The following AURKAIP1 variants were observed in gnomAD, a reference collection of about 807,000 sequenced individuals.
The protein encoded by AURKAIP1 is small ribosomal subunit protein bS22, mitochondrial.
A neutral mutation model predicts 18.4 loss-of-function variants in AURKAIP1; 20 were observed. The observed-to-expected ratio is 1.09, with a 90% CI of 0.77 to 1.58. The LOEUF (loss-of-function observed/expected upper bound fraction) is 1.58. Ranked by LOEUF, AURKAIP1 falls within the 40% of genes most tolerant of loss-of-function variation. The pLI is 0.00. For missense variants in AURKAIP1, 319 were observed against 270.7 expected, an observed-to-expected ratio of 1.18 and a Z score of -1.25; for synonymous variants, 156 against 120.8, an observed-to-expected ratio of 1.29 and a Z score of -1.91.
In AURKAIP1 at chr1:1,375,136, AC is replaced by A. The variant is rs1291312258; in HGVS notation, c.-35+17del. ...CCCGGCGCCCTCAGGCCTCCCGCTG[AC>A]CCTTCCCAAGCCCGACCTCGACGCG... On this transcript the variant is annotated intron_variant, in intron 1 of 3. Coordinates refer to ENST00000338338, the MANE Select transcript of AURKAIP1 (RefSeq NM_017900.3). 4.8e-6 allele frequency: 1 copy of A among 210,452 alleles called. No homozygotes were observed. The highest frequency in any genetic ancestry group is 9.7e-6 in the Non-Finnish European group (1 of 103,402). The allele number at this position is 210,452 out of a possible 1,614,324, so 13.0% of individuals were successfully genotyped here.
Position 1,373,755 on chromosome 1 carries a change from T to C in AURKAIP1, c.*46A>G. 2 of 1,530,448 alleles carry C rather than the reference T, an allele frequency of 1.3e-6. No individual in the cohort carries two copies. The highest frequency in any genetic ancestry group is 1.8e-6 in the Non-Finnish European group (2 of 1,131,668). 94.8% of individuals were successfully genotyped at this position (1,530,448 alleles called of 1,614,324 possible). A position where few individuals can be genotyped will look rare whatever the true frequency, so the allele number is the denominator to read the frequency against. On this transcript the variant is annotated 3_prime_UTR_variant, in exon 4 of 4. Transcript: ENST00000338338. The stretch of plus-strand genomic sequence containing the variant: ...AAAGGCTGAGTCCTCTGAGAATTTA[T>C]TACTACGGATCACAGCAGCAACGGG...
intron 1 of AURKAIP1, 85 bp from the exon 2 acceptor site, chr1:1,374,875 G>A: frequency 2.2e-6 from 2 of 899,138 alleles, no homozygotes; most frequent in Non-Finnish European, 3.3e-6. Context: ...TGGTCCCGCC[G>A]CGACCCTCGC....
At chr1:1,374,625 C>A in intron 2 of AURKAIP1, 80 bp downstream of exon 2, 1 of 1,473,796 alleles carries the variant, frequency 6.8e-7, no homozygotes, top group Non-Finnish European at 9.3e-7. Flanking sequence ...TGGCCACCGG[C>A]CCTGCCCCAG....
chr1:1,374,607 T>A (rs1367446915), intron 2 of AURKAIP1, 98 bp downstream of exon 2: 5 of 1,370,334 alleles, frequency 3.6e-6, no homozygotes, highest in African/African-American at 2.9e-5. Flanking sequence ...GGGGAAAGAG[T>A]GTGTGTGTGG....
chr1:1,373,824 TG>T lies in AURKAIP1; in HGVS notation c.576del (p.Lys193ArgfsTer22), dbSNP rs759845750. ...LKEAPEGWQT[P>X]KIYLRGK Reference sequence around the variant, plus strand: ...ACTCATTTGCCCCGCAGGTAGATCTTGGGGGTCTGCCAGCCTTCGGGGGCTT... The same window carrying T: ...ACTCATTTGCCCCGCAGGTAGATCTTGGGGTCTGCCAGCCTTCGGGGGCTT... On this transcript the variant is annotated frameshift_variant, in exon 4 of 4. Coordinates refer to ENST00000338338, the MANE Select transcript of AURKAIP1 (RefSeq NM_017900.3). LOFTEE classifies it high-confidence loss of function. 1.3e-6 allele frequency: 2 copies of T among 1,595,926 alleles called. No individual in the cohort carries two copies. Among genetic ancestry groups the T allele is most frequent in the South Asian group, 1.1e-5 (1 of 91,024 alleles).
Position 1,374,162 on chromosome 1 carries a change from G to C in AURKAIP1, c.336C>G (p.Ala112=). The C allele has an allele frequency of 6.2e-7, 1 of 1,613,898 alleles. No homozygotes were observed. The highest frequency in any genetic ancestry group is 8.5e-7 in the Non-Finnish European group (1 of 1,180,030). The change falls in exon 3 of 4, where the codon GCC becomes GCG. Residue 112 remains alanine (A), a synonymous_variant. Coordinates refer to ENST00000338338, the MANE Select transcript of AURKAIP1 (RefSeq NM_017900.3). ...QCPPSQIGEG[A]EQGDEGVADA... ...CCGCGACGCCTTCATCCCCCTGCTC[G>C]GCCCCTTCCCCTATCTGGCTGGGCG...
chr1:1,374,799 C>A lies in AURKAIP1; in HGVS notation c.-34-9G>T. ...CACAGGTCCCAGGGGAGCTGGAACA[C>A]AAGTGCCCGTTCAGGTCAGGCGGCA... On this transcript the variant is annotated splice_polypyrimidine_tract_variant and intron_variant, in intron 1 of 3. Coordinates refer to ENST00000338338, the MANE Select transcript of AURKAIP1 (RefSeq NM_017900.3). 1 of 1,541,436 alleles carries A rather than the reference C, an allele frequency of 6.5e-7. No individual in the cohort carries two copies. The highest frequency in any genetic ancestry group is 8.8e-7 in the Non-Finnish European group (1 of 1,141,248).
chr1:1,374,880 C>CGT, intron 1 of AURKAIP1, 90 bp from the exon 2 acceptor site: 1 of 836,042 alleles, frequency 1.2e-6, no homozygotes, highest in African/African-American at 1.8e-5. Context: ...CCGCCGCGAC[C>CGT]CTCGCTTCCC....
At position 1,374,297 on chromosome 1, in the gene AURKAIP1, CCT is replaced by C. The variant is rs767285152; in HGVS notation, c.199_200del (p.Arg67GlufsTer50). ...TCTCCAGGGGGCTGACGGACATCTTCCTGGGGACCAGCATCTCCTCCAGCTCC... is the reference window on the plus strand; with the variant it reads ...TCTCCAGGGGGCTGACGGACATCTTCGGGGACCAGCATCTCCTCCAGCTCC... ...QLELEEMLVP[R>X]KMSVSPLESW... On this transcript the variant is annotated frameshift_variant, in exon 3 of 4. Coordinates refer to ENST00000338338, the MANE Select transcript of AURKAIP1 (RefSeq NM_017900.3). LOFTEE classifies it high-confidence loss of function. The C allele has an allele frequency of 1.8e-5, 28 of 1,590,646 alleles. No individual in the cohort carries two copies. The highest frequency in any genetic ancestry group is 2.2e-5 in the Non-Finnish European group (26 of 1,169,928).
Position 1,373,758 on chromosome 1 carries a change from C to T in AURKAIP1, c.*43G>A. 3.9e-6 allele frequency: 6 copies of T among 1,544,606 alleles called. No homozygotes were observed. The highest frequency in any genetic ancestry group is 5.3e-6 in the Non-Finnish European group (6 of 1,140,420). ...GGCTGAGTCCTCTGAGAATTTATTACTACGGATCACAGCAGCAACGGGCGG... is the reference window on the plus strand; with the variant it reads ...GGCTGAGTCCTCTGAGAATTTATTATTACGGATCACAGCAGCAACGGGCGG... On this transcript the variant is annotated 3_prime_UTR_variant, in exon 4 of 4. Transcript: ENST00000338338.
rs766851048 is a variant in AURKAIP1 at position 1,373,894 on chromosome 1, G to A, written c.507C>T (p.Phe169=). 3.1e-6 allele frequency: 5 copies of A among 1,608,804 alleles called. No individual in the cohort carries two copies. Among genetic ancestry groups the A allele is most frequent in the South Asian group, 1.1e-5 (1 of 91,074 alleles). ...EGRLRRKQIK[F]EKDLRRIWLK... ...GCCAGATGCGCCTCAGGTCTTTCTC[G>A]AACTTGATCTGCAAGACGCAGAGAG... Residue 169 remains phenylalanine, a synonymous_variant, in exon 4 of 4, where the codon TTC becomes TTT. Coordinates refer to ENST00000338338, the MANE Select transcript of AURKAIP1 (RefSeq NM_017900.3).
At position 1,373,864 on chromosome 1, in the gene AURKAIP1, CT is replaced by C. The variant is rs1357323388; in HGVS notation, c.536del (p.Lys179ArgfsTer4). 2 of 1,607,570 alleles carry C rather than the reference CT, an allele frequency of 1.2e-6. No homozygotes were observed. Among genetic ancestry groups the C allele is most frequent in the Non-Finnish European group, 1.7e-6 (2 of 1,179,986 alleles). ...CTTCGGGGGCTTCCTTTAGCCCCGC[CT>C]TCAGCCAGATGCGCCTCAGGTCTTT... The part of the protein sequence containing the change: ...FEKDLRRIWL[K>X]AGLKEAPEGW... On this transcript the variant is annotated frameshift_variant, in exon 4 of 4. Transcript: ENST00000338338. LOFTEE classifies it high-confidence loss of function.
chr1:1,374,045 C>T lies in AURKAIP1; in HGVS notation c.453G>A (p.Arg151=), dbSNP rs1342648955. ...HKYRKLVKKT[R]FLRRKVQEGR... is the part of the protein sequence containing the mutation. Reference sequence around the variant, plus strand: ...CCTCCTGGACCTTCCTCCGCAGGAACCGCGTCTTCTTCACCAGCTTCCGGT... The same window carrying T: ...CCTCCTGGACCTTCCTCCGCAGGAATCGCGTCTTCTTCACCAGCTTCCGGT... Residue 151 remains arginine (R), a synonymous_variant, in exon 3 of 4, where the codon CGG becomes CGA. Transcript: ENST00000338338. 1.9e-6 allele frequency: 3 copies of T among 1,607,426 alleles called. 1 individual carries two copies. In the South Asian group the frequency reaches 3.3e-5, roughly 18 times the overall value.
Position 1,374,382 on chromosome 1 carries a change from C to T in AURKAIP1, c.116G>A (p.Ser39Asn). 1.3e-6 allele frequency: 2 copies of T among 1,497,736 alleles called. No individual in the cohort carries two copies. Among genetic ancestry groups the T allele is most frequent in the Non-Finnish European group, 1.8e-6 (2 of 1,129,810 alleles). 92.8% of individuals were successfully genotyped at this position (1,497,736 alleles called of 1,614,324 possible). A position where few individuals can be genotyped will look rare whatever the true frequency, so the allele number is the denominator to read the frequency against. ...LGSRVCGPLY[S>N]TSPAGPGRAA... is the part of the protein sequence containing the mutation. ...CCTACCTGGGCCGGCCGGCGATGTG[C>T]TGTAAAGGGGCCCGCAGACCCGGCT... Residue 39 changes from serine (S) to asparagine (N), a missense_variant, in exon 3 of 4, where the codon AGC becomes AAC. By Grantham distance (46) the Ser-to-Asn change is conservative. Coordinates refer to ENST00000338338, the MANE Select transcript of AURKAIP1 (RefSeq NM_017900.3).
Position 1,374,240 on chromosome 1 carries a change from T to A in AURKAIP1, c.258A>T (p.Arg86Ser). The A allele has an allele frequency of 6.2e-7, 1 of 1,611,856 alleles. No homozygotes were observed. The highest frequency in any genetic ancestry group is 8.5e-7 in the Non-Finnish European group (1 of 1,179,820). Reference protein sequence around the residue: ...SWLTARCFLPRLDTGTAGTVA... With the variant: ...SWLTARCFLPSLDTGTAGTVA... ...CAGTCCCTGCGGTCCCGGTATCCAG[T>A]CTGGGCAGGAAGCAGCGGGCCGTGA... Residue 86 changes from arginine to serine, a missense_variant, in exon 3 of 4, where the codon AGA becomes AGT. Coordinates refer to ENST00000338338, the MANE Select transcript of AURKAIP1 (RefSeq NM_017900.3).
In AURKAIP1 at chr1:1,374,285, G is replaced by A; in HGVS notation, c.213C>T (p.Val71=). ...EEMLVPRKMS[V]SPLESWLTAR... is the part of the protein sequence containing the mutation. ...CCGTGAGCCAGCTCTCCAGGGGGCT[G>A]ACGGACATCTTCCTGGGGACCAGCA... is the stretch of plus-strand genomic sequence containing the variant. The change falls in exon 3 of 4, where the codon GTC becomes GTT. Residue 71 remains valine, a synonymous_variant. Coordinates refer to ENST00000338338, the MANE Select transcript of AURKAIP1 (RefSeq NM_017900.3). The A allele has an allele frequency of 6.3e-7, 1 of 1,594,472 alleles. No homozygotes were observed.
Position 1,374,239 on chromosome 1 carries a change from G to C in AURKAIP1, c.259C>G (p.Leu87Val), listed in dbSNP as rs1192193995. ...WLTARCFLPR[L>V]DTGTAGTVAP... ...ACAGTCCCTGCGGTCCCGGTATCCA[G>C]TCTGGGCAGGAAGCAGCGGGCCGTG... The change falls in exon 3 of 4, where the codon CTG (leucine) becomes GTG (valine). Residue 87 changes from leucine to valine, a missense_variant. Physicochemically the swap from Leu to Val is conservative, Grantham distance 32. Transcript: ENST00000338338. 6.2e-7 allele frequency: 1 copy of C among 1,611,726 alleles called. No individual in the cohort carries two copies. Among genetic ancestry groups the C allele is most frequent in the East Asian group, 2.2e-5 (1 of 44,898 alleles).
In AURKAIP1 at chr1:1,373,873, G is replaced by A. The variant is rs138160308; in HGVS notation, c.528C>T (p.Ile176=). ...CTTCCTTTAGCCCCGCCTTCAGCCA[G>A]ATGCGCCTCAGGTCTTTCTCGAACT... The part of the protein sequence containing the change: ...QIKFEKDLRR[I]WLKAGLKEAP... The change falls in exon 4 of 4, where the codon ATC becomes ATT. Residue 176 remains isoleucine (I), a synonymous_variant. Coordinates refer to ENST00000338338, the MANE Select transcript of AURKAIP1 (RefSeq NM_017900.3). The A allele has an allele frequency of 1.2e-6, 2 of 1,608,112 alleles. No homozygotes were observed. Among genetic ancestry groups the A allele is most frequent in the Non-Finnish European group, 1.7e-6 (2 of 1,180,010 alleles).
intron 1 of AURKAIP1, 56 bp from the exon 2 acceptor site, chr1:1,374,846 G>C: frequency 7.8e-7 from 1 of 1,286,368 alleles, no homozygotes; most frequent in Non-Finnish European, 1.1e-6. Flanking sequence ...AGTCGCGGGC[G>C]GGCCGGGACT....
Sources: allele counts gnomAD v4.1 joint callset, GRCh38; gene constraint gnomAD v4.1.1; transcripts MANE v1.5; gene names NCBI Gene and HGNC (gene_info 2026-07-23, HGNC 2026-07-21).